SYBU: variants seen among roughly 807,000 people sequenced by gnomAD.
SYBU encodes the protein syntabulin.
In SYBU, 21 loss-of-function variants were observed where a neutral mutation model predicts 35.9. The ratio of observed to expected loss-of-function variants is 0.58; its 90% CI spans 0.41 to 0.84. The LOEUF is 0.84. Among genes scored for constraint, SYBU ranks in the 40% least tolerant of loss-of-function variants. The pLI is 0.00. For missense variants in SYBU, 768 were observed against 848.2 expected (o/e 0.91, Z 1.17); for synonymous variants, 319 against 324.3 (o/e 0.98, Z 0.18).
intron 1 of SYBU, among the ~76,000 whole-genome samples, chr8:109,650,063 G>A (rs1816058130): frequency 6.6e-6 from 1 of 152,154 alleles, no homozygotes; most frequent in Non-Finnish European, 1.5e-5. Flanking sequence ...GAAAGTGTGG[G>A]AAAAGCAGCT....
At chr8:109,659,992 G>T (rs1167499866) in intron 1 of SYBU, among the ~76,000 whole-genome samples, 2 of 152,170 alleles carry the variant, frequency 1.3e-5, no homozygotes, top group East Asian at 3.9e-4. Context: ...TATGAGTCAA[G>T]CAGCCAATTA....
chr8:109,616,798 G>C (rs781770629), intron 3 of SYBU, among the ~76,000 whole-genome samples: 1 of 150,774 alleles, frequency 6.6e-6, no homozygotes, highest in Non-Finnish European at 1.5e-5. Context: ...AACAAATGTT[G>C]ACTGAGTCTC....
chr8:109,677,700 A>G (rs1817242042), intron 1 of SYBU, among the ~76,000 whole-genome samples: 1 of 152,212 alleles, frequency 6.6e-6, no homozygotes, highest in Admixed American at 6.5e-5. Context: ...CAGCAACCCT[A>G]TAAATGCAGT....
At chr8:109,586,249 C>T in intron 3 of SYBU, 87 bp from the exon 4 acceptor site, 2 of 971,784 alleles carry the variant, frequency 2.1e-6, no homozygotes, top group Non-Finnish European at 3.1e-6. Context: ...GGTCCCTGCT[C>T]CCTGCGTTTG....
At chr8:109,602,252 G>T (rs959180558) in intron 3 of SYBU, among the ~76,000 whole-genome samples, 1 of 152,024 alleles carries the variant, frequency 6.6e-6, no homozygotes, top group African/African-American at 2.4e-5. Context: ...CCACATAAAA[G>T]AACAATTGAG....
At chr8:109,662,247 T>C (rs913502263) in intron 1 of SYBU, among the ~76,000 whole-genome samples, 1 of 152,224 alleles carries the variant, frequency 6.6e-6, no homozygotes, top group African/African-American at 2.4e-5. Context: ...GGGGCACTAT[T>C]GTTACTTACA....
chr8:109,589,785 G>A (rs1002268699), intron 3 of SYBU, among the ~76,000 whole-genome samples: 7 of 152,132 alleles, frequency 4.6e-5, no homozygotes, highest in African/African-American at 1.7e-4. Context: ...CCTGTAATCT[G>A]GTCTCTTAGG....
At chr8:109,632,624 A>G (rs1258865165) in intron 2 of SYBU, among the ~76,000 whole-genome samples, 1 of 151,208 alleles carries the variant, frequency 6.6e-6, no homozygotes, top group Non-Finnish European at 1.5e-5. Context: ...GATAACATTT[A>G]TATCATGGAA....
rs868848095 is a variant in SYBU at position 109,673,097 on chromosome 8, G to A, written c.-129+7614C>T. Reference sequence around the variant, plus strand: ...AGCACCTGGGGGAAGGGGCGGCTGTGGACACAGCTTCAGCAGACTTAAACG... The same window carrying A: ...AGCACCTGGGGGAAGGGGCGGCTGTAGACACAGCTTCAGCAGACTTAAACG... On this transcript the variant is annotated intron_variant, in intron 1 of 5. Transcript: ENST00000408889. 2.6e-5 allele frequency among the ~76,000 whole-genome samples: 4 copies of A among 152,178 alleles called. No homozygotes were observed. The South Asian group carries it at 8.3e-4, about 31-fold the overall frequency.
At chr8:109,644,525 C>A in intron 1 of SYBU, 111 bp downstream of exon 1, 1 of 1,326,604 alleles carries the variant, frequency 7.5e-7, no homozygotes, top group South Asian at 1.3e-5. Flanking sequence ...CCTCCTTCCA[C>A]CTTTCCCCAG....
intron 3 of SYBU, among the ~76,000 whole-genome samples, chr8:109,595,441 C>T (rs1824760741): frequency 6.6e-6 from 1 of 152,222 alleles, no homozygotes; most frequent in African/African-American, 2.4e-5. Flanking sequence ...ACGAATAACA[C>T]ATGGTGAGAG....
At chr8:109,598,919 T>C (rs1825188184) in intron 3 of SYBU, among the ~76,000 whole-genome samples, 1 of 152,222 alleles carries the variant, frequency 6.6e-6, no homozygotes, top group African/African-American at 2.4e-5. Flanking sequence ...AACAGGTAAG[T>C]TGCTGAAGGT....
At chr8:109,675,030 T>C (rs1817132839) in intron 1 of SYBU, among the ~76,000 whole-genome samples, 1 of 152,214 alleles carries the variant, frequency 6.6e-6, no homozygotes, top group Non-Finnish European at 1.5e-5. Flanking sequence ...AACCTGCTCC[T>C]GAATGACCAC....
In SYBU at chr8:109,642,823, G is replaced by T. The variant is rs369345879; in HGVS notation, c.134C>A (p.Ser45Tyr). The T allele has an allele frequency of 6.2e-7, 1 of 1,613,450 alleles. No individual in the cohort carries two copies. Among genetic ancestry groups the T allele is most frequent in the African/African-American group, 1.3e-5 (1 of 74,918 alleles). Residue 45 changes from serine to tyrosine, a missense_variant, in exon 2 of 7, where the codon TCT becomes TAT. Physicochemically the swap from Ser to Tyr is moderately radical, Grantham distance 144. Coordinates refer to ENST00000276646, the MANE Select transcript of SYBU (RefSeq NM_001099754.2). Reference sequence around the variant, plus strand: ...CTCTTCCTCAGAGAAAGGAGACTCAGAGGCTGGGGACACTTTGTGCTGTTG... The same window carrying T: ...CTCTTCCTCAGAGAAAGGAGACTCATAGGCTGGGGACACTTTGTGCTGTTG... ...PQQQHKVSPASESPFSEEESR... is the reference protein window; with the variant it reads ...PQQQHKVSPAYESPFSEEESR...
At chr8:109,667,561 C>T (rs1816802823) in intron 1 of SYBU, among the ~76,000 whole-genome samples, 1 of 150,882 alleles carries the variant, frequency 6.6e-6, no homozygotes, top group South Asian at 2.1e-4. Context: ...AAAACCTCTC[C>T]TACCACATAA....
At chr8:109,607,993 G>T in intron 3 of SYBU, 1 of 1,530,864 alleles carries the variant, frequency 6.5e-7, no homozygotes, top group South Asian at 1.2e-5. Flanking sequence ...TATGTCTTTT[G>T]CAGAAATACA....
intron 2 of SYBU, among the ~76,000 whole-genome samples, chr8:109,634,641 GA>G (rs1814010902): frequency 6.6e-6 from 1 of 152,112 alleles, no homozygotes; most frequent in African/African-American, 2.4e-5. Flanking sequence ...AACCAAATAA[GA>G]AATTTTAAAA....
chr8:109,587,243 G>C (rs1280628388), intron 3 of SYBU, among the ~76,000 whole-genome samples: 2 of 152,106 alleles, frequency 1.3e-5, no homozygotes, highest in Non-Finnish European at 1.5e-5. Context: ...TTTCTAACAA[G>C]CAGTGAACAA....
At chr8:109,689,867 A>C (rs1156346040) in intron 1 of SYBU, among the ~76,000 whole-genome samples, 1 of 148,778 alleles carries the variant, frequency 6.7e-6, no homozygotes, top group Non-Finnish European at 1.5e-5. Flanking sequence ...CATGACTATT[A>C]GAGACAGCTG....
Sources: gnomAD v4.1 joint callset for allele counts (sites outside exome capture counted in the v4.1 genomes callset) on GRCh38, gnomAD v4.1.1 for gene constraint, MANE v1.5 for transcripts, NCBI Gene and HGNC (gene_info 2026-07-23, HGNC 2026-07-21) for gene names.